ADARB2: variants seen among roughly 807,000 people sequenced by gnomAD.
ADARB2 encodes adenosine deaminase RNA specific B2 (inactive).
A neutral mutation model predicts 62.2 loss-of-function variants in ADARB2; 25 were observed. The observed-to-expected ratio is 0.40, with a 90% confidence interval of 0.29 to 0.56. The LOEUF is 0.56. Among genes scored for constraint, ADARB2 ranks in the 20% least tolerant of loss-of-function variants. ADARB2 has a pLI of 0.43. For synonymous variants in ADARB2, 572 were observed against 500.8 expected (o/e 1.14, Z -1.90); for missense variants, 1,071 against 1,077.4 (o/e 0.99, Z 0.08).
chr10:1,674,341 G>A (rs1282296358), intron 1 of ADARB2, among the ~76,000 whole-genome samples: 1 of 152,218 alleles, frequency 6.6e-6, no homozygotes, highest in African/African-American at 2.4e-5. Context: ...TTCAATGAAT[G>A]GCTGCGTATG....
At chr10:1,516,511 G>A (rs28539818) in intron 1 of ADARB2, among the ~76,000 whole-genome samples, 27,850 of 151,038 alleles carry the variant, frequency 0.18, 2,982 homozygotes, top group Non-Finnish European at 0.25. Flanking sequence ...TGCTCTGTGC[G>A]GGCTGCTCTG....
At chr10:1,607,981 G>C (rs971993511) in intron 1 of ADARB2, among the ~76,000 whole-genome samples, 6 of 152,190 alleles carry the variant, frequency 3.9e-5, no homozygotes, top group Non-Finnish European at 8.8e-5. Flanking sequence ...CAGTGTGCAA[G>C]GGCAATGCAA....
intron 1 of ADARB2, among the ~76,000 whole-genome samples, chr10:1,608,043 C>T (rs11250662): frequency 0.21 from 31,555 of 152,174 alleles, 3,451 homozygotes; most frequent in Non-Finnish European, 0.23. Context: ...TGGAAACTGA[C>T]GTAGGTTTCA....
At chr10:1,532,203 C>T (rs1013303910) in intron 1 of ADARB2, among the ~76,000 whole-genome samples, 1 of 149,082 alleles carries the variant, frequency 6.7e-6, no homozygotes, top group Non-Finnish European at 1.5e-5. Context: ...TTTCCTGTAT[C>T]AGCCCGCACC....
At chr10:1,668,312 C>A (rs1463755334) in intron 1 of ADARB2, among the ~76,000 whole-genome samples, 1 of 152,220 alleles carries the variant, frequency 6.6e-6, no homozygotes, top group African/African-American at 2.4e-5. Context: ...AGTCATGTGA[C>A]ATACTGCTCC....
At chr10:1,580,475 T>A (rs1833081234) in intron 1 of ADARB2, among the ~76,000 whole-genome samples, 1 of 151,840 alleles carries the variant, frequency 6.6e-6, no homozygotes, top group South Asian at 2.1e-4. Context: ...GGGTCTTTCT[T>A]TCTGAGATGA....
At chr10:1,616,590 A>G (rs1039945598) in intron 1 of ADARB2, among the ~76,000 whole-genome samples, 28 of 141,848 alleles carry the variant, frequency 2.0e-4, no homozygotes, top group African/African-American at 7.3e-4. Context: ...TGTGCTCTGC[A>G]TCCTGGGAAC....
chr10:1,453,013 G>A (rs2820628), intron 1 of ADARB2, among the ~76,000 whole-genome samples: 116,158 of 152,054 alleles, frequency 0.76, 45,242 homozygotes, highest in Middle Eastern at 0.86. Context: ...TTTCCAGCAC[G>A]TCCCAGGTGC....
At chr10:1,696,164 A>T (rs1564197480) in intron 1 of ADARB2, among the ~76,000 whole-genome samples, 1 of 135,284 alleles carries the variant, frequency 7.4e-6, no homozygotes, top group African/African-American at 2.7e-5. Flanking sequence ...ATGTGTTTGC[A>T]TGTGTCTGTG....
intron 3 of ADARB2, among the ~76,000 whole-genome samples, chr10:1,322,464 G>A (rs1422560125): frequency 6.6e-6 from 1 of 152,130 alleles, no homozygotes; most frequent in African/African-American, 2.4e-5. Flanking sequence ...AGGCAATGTG[G>A]CAATTAATCT....
At chr10:1,509,785 T>C (rs1831897158) in intron 1 of ADARB2, among the ~76,000 whole-genome samples, 1 of 152,114 alleles carries the variant, frequency 6.6e-6, no homozygotes, top group African/African-American at 2.4e-5. Flanking sequence ...AGCTGCGAAA[T>C]GGAAAGGGGA....
At chr10:1,370,154 A>C (rs1488679935) in intron 2 of ADARB2, among the ~76,000 whole-genome samples, 4 of 152,252 alleles carry the variant, frequency 2.6e-5, no homozygotes, top group Non-Finnish European at 4.4e-5. Flanking sequence ...CCGCATCTAC[A>C]AATCCATAAA....
Position 1,363,291 on chromosome 10 carries a change from CG to C in ADARB2, c.813del (p.Ala272ArgfsTer12). 8.1e-7 allele frequency: 1 copy of C among 1,233,458 alleles called. No homozygotes were observed. Among genetic ancestry groups the C allele is most frequent in the Non-Finnish European group, 1.0e-6 (1 of 987,474 alleles). The allele number at this position is 1,233,458 out of a possible 1,614,324, so 76.4% of individuals were successfully genotyped here. A position where few individuals can be genotyped will look rare whatever the true frequency, so the allele number is the denominator to read the frequency against. The stretch of plus-strand genomic sequence containing the variant: ...ACGGGGTTGCGCTCGCCCGGGGCCG[CG>C]GGGGTGGCGGGGGTCGGGCCCACCA... ...LDLVGPTPAT[P>X]AAPGERNPVV... On this transcript the variant is annotated frameshift_variant, in exon 3 of 10. Coordinates refer to ENST00000381312, the MANE Select transcript of ADARB2 (RefSeq NM_018702.4). LOFTEE classifies it high-confidence loss of function.
intron 1 of ADARB2, among the ~76,000 whole-genome samples, chr10:1,462,187 G>A (rs1831183070): frequency 6.9e-6 from 1 of 145,632 alleles, no homozygotes; most frequent in South Asian, 2.4e-4. Context: ...TGAGCACCCA[G>A]CAGCAACCCT....
chr10:1,260,914 T>C (rs1225480821), intron 4 of ADARB2, among the ~76,000 whole-genome samples: 1 of 145,624 alleles, frequency 6.9e-6, no homozygotes, highest in Non-Finnish European at 1.5e-5. Context: ...ATTACAAGGC[T>C]ACAGTAACCA....
intron 8 of ADARB2, among the ~76,000 whole-genome samples, chr10:1,193,061 G>T (rs1210116096): frequency 6.6e-6 from 1 of 152,270 alleles, no homozygotes; most frequent in African/African-American, 2.4e-5. Flanking sequence ...AGGTGGAGGT[G>T]TTGAGGGTGG....
At chr10:1,710,943 T>C (rs545833551) in intron 1 of ADARB2, among the ~76,000 whole-genome samples, 2 of 152,204 alleles carry the variant, frequency 1.3e-5, no homozygotes, top group East Asian at 3.9e-4. Flanking sequence ...GTAACCAACC[T>C]AGAGGATCTA....
chr10:1,500,478 T>C (rs1407428827), intron 1 of ADARB2, among the ~76,000 whole-genome samples: 1 of 152,234 alleles, frequency 6.6e-6, no homozygotes, highest in Non-Finnish European at 1.5e-5. Context: ...AATTCCCAAA[T>C]GCATCTTGAT....
At position 1,180,442 on chromosome 10, in the gene ADARB2, G is replaced by A. The variant is rs1260795341; in HGVS notation, c.*2751C>T. 6.5e-6 allele frequency: 1 copy of A among 152,694 alleles called. No individual in the cohort carries two copies. Among genetic ancestry groups the A allele is most frequent in the East Asian group, 1.9e-4 (1 of 5,208 alleles). 9.5% of individuals were successfully genotyped at this position (152,694 alleles called of 1,614,324 possible). ...CCCGGGTCTTCCAGGCACACCTGGG[G>A]CTGTGGGAATCCTGGGACCTGGCCC... On this transcript the variant is annotated 3_prime_UTR_variant, in exon 10 of 10. Transcript: ENST00000381312.
Sources: allele counts gnomAD v4.1 joint callset (sites outside exome capture counted in the v4.1 genomes callset), GRCh38; gene constraint gnomAD v4.1.1; transcripts MANE v1.5; gene names NCBI Gene and HGNC (gene_info 2026-07-23, HGNC 2026-07-21).